ARHGAP22: variants seen among roughly 807,000 people sequenced by gnomAD.
ARHGAP22 encodes rho GTPase-activating protein 22.
A neutral mutation model predicts 59.1 loss-of-function variants in ARHGAP22; 48 were observed. The ratio of observed to expected loss-of-function variants is 0.81; its 90% CI spans 0.64 to 1.03. ARHGAP22 has a LOEUF of 1.03. ARHGAP22 is among the 50% of genes least tolerant of loss of function. The pLI is 0.00. For synonymous variants in ARHGAP22, 445 were observed against 416.4 expected (o/e 1.07, Z -0.84); for missense variants, 1,015 against 958.7 (o/e 1.06, Z -0.78).
Position 48,465,459 on chromosome 10 carries a change from C to T in ARHGAP22, c.452-5568G>A, listed in dbSNP as rs567105240. On this transcript the variant is annotated intron_variant, in intron 4 of 9. Coordinates refer to ENST00000249601, the MANE Select transcript of ARHGAP22 (RefSeq NM_021226.4). ...TAAGCCTCTCTGAGCTGGGCTTGGCCACCTTCCGGGGTGTGAGCGTCCACG... is the reference window on the plus strand; with the variant it reads ...TAAGCCTCTCTGAGCTGGGCTTGGCTACCTTCCGGGGTGTGAGCGTCCACG... Among the ~76,000 whole-genome samples the T allele has an allele frequency of 8.1e-4, 124 of 152,364 alleles. 1 individual carries two copies. In the Middle Eastern group the frequency reaches 0.014, roughly 17 times the overall value.
intron 4 of ARHGAP22, among the ~76,000 whole-genome samples, chr10:48,465,297 C>T (rs1223320950): frequency 6.6e-6 from 1 of 152,208 alleles, no homozygotes; most frequent in African/African-American, 2.4e-5. Flanking sequence ...AACTTGCTGC[C>T]AGGCCTCCCC....
At chr10:48,566,629 C>T (rs949181972) in intron 2 of ARHGAP22, among the ~76,000 whole-genome samples, 1 of 152,208 alleles carries the variant, frequency 6.6e-6, no homozygotes, top group Non-Finnish European at 1.5e-5. Context: ...ACTCCAAATG[C>T]TCTTGTTATG....
At chr10:48,611,927 A>C (rs2060910740) in intron 1 of ARHGAP22, among the ~76,000 whole-genome samples, 1 of 136,512 alleles carries the variant, frequency 7.3e-6, no homozygotes, top group African/African-American at 2.7e-5. Flanking sequence ...GGTCCATGCA[A>C]TTGTTCTGCC....
chr10:48,489,420 C>T (rs906548354), intron 3 of ARHGAP22, among the ~76,000 whole-genome samples: 1 of 152,212 alleles, frequency 6.6e-6, no homozygotes, highest in Non-Finnish European at 1.5e-5. Flanking sequence ...AATATAAAAT[C>T]TTCCTTATGG....
chr10:48,473,779 A>G (rs1333228018), intron 4 of ARHGAP22, among the ~76,000 whole-genome samples: 1 of 152,184 alleles, frequency 6.6e-6, no homozygotes, highest in South Asian at 2.1e-4. Context: ...TCACACTTCA[A>G]TGCAATGGGC....
At chr10:48,458,767 G>A (rs1279026359) in intron 5 of ARHGAP22, among the ~76,000 whole-genome samples, 1 of 152,200 alleles carries the variant, frequency 6.6e-6, no homozygotes, top group African/African-American at 2.4e-5. Context: ...CACTGGGATG[G>A]AGCTTCACAA....
At chr10:48,526,080 G>T (rs2054295141) in intron 3 of ARHGAP22, among the ~76,000 whole-genome samples, 2 of 152,212 alleles carry the variant, frequency 1.3e-5, no homozygotes, top group Non-Finnish European at 2.9e-5. Context: ...AGCTCTGATG[G>T]CCTTGACTTG....
At chr10:48,500,612 G>T (rs567910608) in intron 3 of ARHGAP22, among the ~76,000 whole-genome samples, 1 of 152,206 alleles carries the variant, frequency 6.6e-6, no homozygotes, top group Non-Finnish European at 1.5e-5. Context: ...TTAAGGCCAG[G>T]CGCCGTAGTT....
intron 3 of ARHGAP22, among the ~76,000 whole-genome samples, chr10:48,479,996 C>T (rs543581376): frequency 3.9e-5 from 6 of 152,236 alleles, no homozygotes; most frequent in African/African-American, 1.4e-4. Context: ...TTTTCCCATG[C>T]CAAAATAGAA....
At chr10:48,605,201 G>A (rs2060618860), upstream of ARHGAP22, 2 of 1,058,140 alleles carry the variant, frequency 1.9e-6, no homozygotes, top group African/African-American at 1.7e-5. Flanking sequence ...TCCTGGCCCG[G>A]GAGAGGGTAC....
intron 4 of ARHGAP22, among the ~76,000 whole-genome samples, chr10:48,477,116 T>C (rs1358356169): frequency 6.6e-6 from 1 of 152,214 alleles, no homozygotes; most frequent in Non-Finnish European, 1.5e-5. Context: ...TGTATGCCCC[T>C]CTCCCATCCC....
At chr10:48,552,102 C>T (rs530169927) in intron 3 of ARHGAP22, among the ~76,000 whole-genome samples, 1 of 152,340 alleles carries the variant, frequency 6.6e-6, no homozygotes, top group Non-Finnish European at 1.5e-5. Flanking sequence ...TTTTTTATAC[C>T]GTTGAATTGC....
At chr10:48,475,434 A>G (rs1309997141) in intron 4 of ARHGAP22, among the ~76,000 whole-genome samples, 2 of 152,172 alleles carry the variant, frequency 1.3e-5, no homozygotes, top group Non-Finnish European at 2.9e-5. Flanking sequence ...CTACCTGCCT[A>G]CTTGACATCT....
chr10:48,453,726 C>T (rs949324032), intron 7 of ARHGAP22, among the ~76,000 whole-genome samples: 1 of 152,220 alleles, frequency 6.6e-6, no homozygotes, highest in African/African-American at 2.4e-5. Flanking sequence ...CAGTCAGCGC[C>T]GCCCCTGCAT....
chr10:48,611,677 AG>A (rs2135971521), intron 1 of ARHGAP22, among the ~76,000 whole-genome samples: 1 of 152,162 alleles, frequency 6.6e-6, no homozygotes, highest in East Asian at 1.9e-4. Context: ...GAAATTTCCC[AG>A]GTGCCTTCTC....
At chr10:48,603,381 T>C (rs992303959) in intron 1 of ARHGAP22, among the ~76,000 whole-genome samples, 3 of 152,256 alleles carry the variant, frequency 2.0e-5, no homozygotes, top group African/African-American at 7.2e-5. Flanking sequence ...GTAAAACAGG[T>C]AAAATTAGTT....
intron 2 of ARHGAP22, among the ~76,000 whole-genome samples, chr10:48,566,499 C>A (rs1223031481): frequency 2.0e-5 from 3 of 152,178 alleles, no homozygotes; most frequent in African/African-American, 4.8e-5. Context: ...GGTAAAGGAA[C>A]GTTCCCTCCC....
In ARHGAP22 at chr10:48,650,940, C is replaced by A. The variant is rs2062536098; in HGVS notation, c.52+1294G>T. ...CACGAGGCCGGCCCAGGGGTCCTGG[C>A]TTCTAGCCCACTCCGTTCTTCATGA... On this transcript the variant is annotated intron_variant, in intron 1 of 9. Coordinates refer to the ARHGAP22 transcript ENST00000435790. 4.6e-5 allele frequency among the ~76,000 whole-genome samples: 7 copies of A among 152,164 alleles called. No individual in the cohort carries two copies. The South Asian group carries it at 1.2e-3, about 27-fold the overall frequency.
downstream of ARHGAP22, among the ~76,000 whole-genome samples, chr10:48,441,090 C>T (rs896412337): frequency 6.6e-6 from 1 of 152,160 alleles, no homozygotes; most frequent in African/African-American, 2.4e-5. Context: ...TCCAACTTAC[C>T]GCTCCAGGAG....
Sources: gnomAD v4.1 joint callset for allele counts (sites outside exome capture counted in the v4.1 genomes callset) on GRCh38, gnomAD v4.1.1 for gene constraint, MANE v1.5 for transcripts, NCBI Gene and HGNC (gene_info 2026-07-23, HGNC 2026-07-21) for gene names.